Variants in UNC13B observed in about 807,000 individuals in gnomAD.
UNC13B encodes unc-13 homolog B.
UNC13B carries 144 observed loss-of-function variants against 211.0 expected under a neutral mutation model. That is an observed-to-expected ratio of 0.68 (90% CI 0.60 to 0.78). The LOEUF is 0.78. UNC13B is among the 30% of genes least tolerant of loss of function. The pLI, the probability that UNC13B is intolerant of heterozygous loss-of-function variation, is 0.00. For missense variants in UNC13B, 1,777 were observed against 2,002.0 expected (o/e 0.89, Z 2.14); for synonymous variants, 709 against 725.8 (o/e 0.98, Z 0.37).
At chr9:35,357,353 C>T (rs991036394) in intron 11 of UNC13B, among the ~76,000 whole-genome samples, 1 of 152,078 alleles carries the variant, frequency 6.6e-6, no homozygotes, top group African/African-American at 2.4e-5. Flanking sequence ...TTTTCATGTG[C>T]TCATCAGCCA....
intron 6 of UNC13B, among the ~76,000 whole-genome samples, chr9:35,248,213 T>G (rs992154591): frequency 3.9e-5 from 6 of 152,218 alleles, no homozygotes; most frequent in Non-Finnish European, 8.8e-5. Flanking sequence ...TCCTTTATCA[T>G]TTTTTACTGT....
chr9:35,225,183 CAG>C (rs751182204), intron 1 of UNC13B, among the ~76,000 whole-genome samples: 1 of 152,110 alleles, frequency 6.6e-6, no homozygotes, highest in Non-Finnish European at 1.5e-5. Context: ...TATTTTGAGA[CAG>C]GGTCTCACTC....
chr9:35,219,811 A>G (rs534661570), intron 1 of UNC13B, among the ~76,000 whole-genome samples: 4 of 152,164 alleles, frequency 2.6e-5, no homozygotes, highest in African/African-American at 4.8e-5. Context: ...TACTGTCTCA[A>G]TCTCTCTTTC....
At chr9:35,192,823 C>T (rs936184386) in intron 1 of UNC13B, among the ~76,000 whole-genome samples, 1 of 152,138 alleles carries the variant, frequency 6.6e-6, no homozygotes, top group Admixed American at 6.5e-5. Context: ...CAGAGGGGTG[C>T]AAGCTGAAGA....
chr9:35,283,041 A>T (rs1205627365), intron 7 of UNC13B, among the ~76,000 whole-genome samples: 1 of 152,118 alleles, frequency 6.6e-6, no homozygotes, highest in Non-Finnish European at 1.5e-5. Context: ...AGACATTTGG[A>T]TTGTTCCCCA....
chr9:35,353,760 A>C, intron 11 of UNC13B: 2 of 1,232,114 alleles, frequency 1.6e-6, no homozygotes, highest in East Asian at 6.3e-5. Context: ...AAACTTCTGC[A>C]TGAGCTAGTA....
intron 11 of UNC13B, among the ~76,000 whole-genome samples, chr9:35,349,199 A>G (rs1736302331): frequency 1.3e-5 from 2 of 152,162 alleles, no homozygotes; most frequent in African/African-American, 2.4e-5. Flanking sequence ...TACAGGCGAG[A>G]GCCACCACGC....
chr9:35,251,203 A>G (rs1012978002), intron 6 of UNC13B, among the ~76,000 whole-genome samples: 1 of 151,820 alleles, frequency 6.6e-6, no homozygotes, highest in African/African-American at 2.4e-5. Flanking sequence ...TGACCTCGTG[A>G]TCCGCCCGCC....
chr9:35,271,363 G>A (rs1264630919), intron 7 of UNC13B, among the ~76,000 whole-genome samples: 1 of 152,064 alleles, frequency 6.6e-6, no homozygotes, highest in Admixed American at 6.6e-5. Context: ...AGACGCATGT[G>A]GCTTTTTGCA....
chr9:35,375,107 C>T lies in UNC13B; in HGVS notation c.9541-20C>T. The T allele has an allele frequency of 1.2e-6, 2 of 1,613,932 alleles. No individual in the cohort carries two copies. The highest frequency in any genetic ancestry group is 1.7e-6 in the Non-Finnish European group (2 of 1,179,822). The stretch of plus-strand genomic sequence containing the variant: ...AGCCCTTGGCAGTGGTCAGGGCTAA[C>T]AGCAGATCTTCCCTGACAGTCACTG... On this transcript the variant is annotated intron_variant, in intron 13 of 39. Transcript: ENST00000635942.
At chr9:35,316,059 T>C (rs1457357239) in intron 11 of UNC13B, among the ~76,000 whole-genome samples, 1 of 152,204 alleles carries the variant, frequency 6.6e-6, no homozygotes, top group African/African-American at 2.4e-5. Context: ...CCCTCTGTAA[T>C]TGTTAAGTGC....
chr9:35,252,721 G>A (rs1826577972), intron 6 of UNC13B, among the ~76,000 whole-genome samples: 1 of 152,014 alleles, frequency 6.6e-6, no homozygotes, highest in South Asian at 2.1e-4. Context: ...ACGAGGTCAG[G>A]AGATCGAGAC....
At chr9:35,270,162 A>G (rs1827792908) in intron 7 of UNC13B, among the ~76,000 whole-genome samples, 1 of 152,152 alleles carries the variant, frequency 6.6e-6, no homozygotes. Flanking sequence ...GGTATTTAAA[A>G]ATCAAGATCT....
chr9:35,376,292 G>T, intron 15 of UNC13B, 45 bp downstream of exon 15: 1 of 1,591,742 alleles, frequency 6.3e-7, no homozygotes, highest in African/African-American at 1.3e-5. Context: ...GGCAGCAGGG[G>T]CTTTCCAAAA....
chr9:35,394,230 C>A (rs1443014764), intron 26 of UNC13B, among the ~76,000 whole-genome samples: 1 of 152,172 alleles, frequency 6.6e-6, no homozygotes, highest in Non-Finnish European at 1.5e-5. Flanking sequence ...CTCTGTTCCA[C>A]TTCAGCTGGA....
Position 35,302,662 on chromosome 9 carries a change from C to T in UNC13B, c.3258C>T (p.Pro1086=). Residue 1086 remains proline (P), a synonymous_variant, in exon 9 of 40, where the codon CCC becomes CCT. Transcript: ENST00000635942. Reference sequence around the variant, plus strand: ...GCTTAGCCATCCCTGGAGTTGTGCCCAAAGAACATATAACTTCAGATCCTT... The same window carrying T: ...GCTTAGCCATCCCTGGAGTTGTGCCTAAAGAACATATAACTTCAGATCCTT... ...RDGLAIPGVV[P]KEHITSDPLG... 2.5e-6 allele frequency: 1 copy of T among 398,496 alleles called. No homozygotes were observed. Among genetic ancestry groups the T allele is most frequent in the Non-Finnish European group, 4.4e-6 (1 of 225,724 alleles). The allele number at this position is 398,496 out of a possible 1,614,324, so 24.7% of individuals were successfully genotyped here.
intron 1 of UNC13B, among the ~76,000 whole-genome samples, chr9:35,203,032 T>C (rs1823408547): frequency 6.6e-6 from 1 of 152,192 alleles, no homozygotes; most frequent in South Asian, 2.1e-4. Flanking sequence ...GACCTCGTGA[T>C]CCACCCACCT....
At chr9:35,318,011 T>G (rs1258189373) in intron 11 of UNC13B, among the ~76,000 whole-genome samples, 2 of 152,114 alleles carry the variant, frequency 1.3e-5, no homozygotes, top group African/African-American at 4.8e-5. Flanking sequence ...AAGAATATAT[T>G]GGAGAAGACA....
chr9:35,263,378 A>G (rs1315147527), intron 7 of UNC13B, among the ~76,000 whole-genome samples: 2 of 151,700 alleles, frequency 1.3e-5, no homozygotes, highest in Non-Finnish European at 2.9e-5. Flanking sequence ...ATCCCTCAGT[A>G]TACTTGGGGG....
Sources: allele counts gnomAD v4.1 joint callset (sites outside exome capture counted in the v4.1 genomes callset), GRCh38; gene constraint gnomAD v4.1.1; transcripts MANE v1.5; gene names NCBI Gene and HGNC (gene_info 2026-07-23, HGNC 2026-07-21).